The following SEMA5A variants were observed in gnomAD, a reference collection of about 807,000 sequenced individuals.
The protein encoded by SEMA5A is semaphorin 5A, also known as semaphorin-5A.
In SEMA5A, 55 loss-of-function variants were observed where a neutral mutation model predicts 135.5. The observed-to-expected ratio is 0.41, with a 90% CI of 0.33 to 0.51. SEMA5A has a LOEUF of 0.51. Among genes scored for constraint, SEMA5A ranks in the 20% least tolerant of loss-of-function variants. The pLI is 0.37. For synonymous variants in SEMA5A, 580 were observed against 546.5 expected (o/e 1.06, Z -0.85); for missense variants, 1,290 against 1,419.9 (o/e 0.91, Z 1.47).
chr5:9,399,329 C>A (rs1756544315), intron 2 of SEMA5A, among the ~76,000 whole-genome samples: 1 of 152,054 alleles, frequency 6.6e-6, no homozygotes, highest in African/African-American at 2.4e-5. Context: ...ATGCTATAAG[C>A]CTTGAAAACA....
At chr5:9,447,718 T>C (rs1439062965) in intron 1 of SEMA5A, among the ~76,000 whole-genome samples, 1 of 152,194 alleles carries the variant, frequency 6.6e-6, no homozygotes, top group African/African-American at 2.4e-5. Context: ...AGAAATAAGC[T>C]ACAACACAAC....
intron 1 of SEMA5A, among the ~76,000 whole-genome samples, chr5:9,481,723 G>A (rs186864435): frequency 1.6e-4 from 25 of 152,110 alleles, no homozygotes; most frequent in South Asian, 6.2e-4. Context: ...TACAGGTGGC[G>A]GCAAGCTGTG....
intron 16 of SEMA5A, 127 bp from the exon 17 acceptor site, chr5:9,066,773 C>T (rs1737497014): frequency 1.4e-6 from 1 of 714,804 alleles, no homozygotes; most frequent in African/African-American, 1.8e-5. Flanking sequence ...CACAGCTACT[C>T]TACCAAACTA....
At chr5:9,043,658 G>A (rs1303635372) in intron 22 of SEMA5A, among the ~76,000 whole-genome samples, 1 of 152,188 alleles carries the variant, frequency 6.6e-6, no homozygotes, top group Admixed American at 6.5e-5. Flanking sequence ...ATGGCCATCT[G>A]TCCAGGGTTA....
At chr5:9,189,232 C>T (rs188861932) in intron 11 of SEMA5A, among the ~76,000 whole-genome samples, 19 of 152,322 alleles carry the variant, frequency 1.2e-4, no homozygotes, top group Admixed American at 3.9e-4. Context: ...CTCACCGTCA[C>T]CTTCCTGGCA....
chr5:9,197,133 A>G (rs1181219111), intron 10 of SEMA5A, 35 bp downstream of exon 10: 1 of 1,613,172 alleles, frequency 6.2e-7, no homozygotes, highest in Non-Finnish European at 8.5e-7. Flanking sequence ...TTCATGGGGG[A>G]TGCCAACAGT....
intron 1 of SEMA5A, among the ~76,000 whole-genome samples, chr5:9,515,739 A>C (rs1188855151): frequency 6.6e-6 from 1 of 152,222 alleles, no homozygotes; most frequent in Non-Finnish European, 1.5e-5. Context: ...ACTGATAAGA[A>C]AAAGATGAAG....
At chr5:9,225,480 A>T (rs949563563) in intron 7 of SEMA5A, among the ~76,000 whole-genome samples, 1 of 150,714 alleles carries the variant, frequency 6.6e-6, no homozygotes, top group African/African-American at 2.4e-5. Context: ...GAGGCAGGAG[A>T]ATCGCTTGAA....
intron 5 of SEMA5A, among the ~76,000 whole-genome samples, chr5:9,299,931 A>AAC (rs1751529774): frequency 1.3e-5 from 2 of 152,184 alleles, no homozygotes; most frequent in Non-Finnish European, 2.9e-5. Flanking sequence ...TGAGAGCCAG[A>AAC]AGTTCCCAAT....
chr5:9,240,190 T>C (rs1241254856), intron 5 of SEMA5A, among the ~76,000 whole-genome samples: 2 of 152,038 alleles, frequency 1.3e-5, no homozygotes, highest in African/African-American at 2.4e-5. Flanking sequence ...TTTCTGAAGA[T>C]AGTGATTAGA....
chr5:9,354,356 A>G (rs1754351072), intron 3 of SEMA5A, among the ~76,000 whole-genome samples: 1 of 152,142 alleles, frequency 6.6e-6, no homozygotes, highest in Admixed American at 6.5e-5. Flanking sequence ...ATTCAATGTC[A>G]CAGTCTCATT....
intron 11 of SEMA5A, among the ~76,000 whole-genome samples, chr5:9,171,156 C>A (rs1420600961): frequency 6.6e-6 from 1 of 152,220 alleles, no homozygotes; most frequent in Non-Finnish European, 1.5e-5. Context: ...ATAATCTATT[C>A]AACTCACACA....
rs188647171 is a variant in SEMA5A, at chr5:9,121,005, C to A, written c.1781+1651G>T. Among the ~76,000 whole-genome samples, 49 of 152,066 alleles carry A rather than the reference C, an allele frequency of 3.2e-4. No individual in the cohort carries two copies. The South Asian group carries it at 4.4e-3, about 14-fold the overall frequency. On this transcript the variant is annotated intron_variant, in intron 14 of 22. Coordinates refer to ENST00000382496, the MANE Select transcript of SEMA5A (RefSeq NM_003966.3). ...GTTGGTCAGGCTGGTTTTGAACTCC[C>A]GACCTCAGGTGATCTGCCCACCTCA...
At chr5:9,491,619 T>G (rs1167731350) in intron 1 of SEMA5A, among the ~76,000 whole-genome samples, 3 of 152,198 alleles carry the variant, frequency 2.0e-5, no homozygotes, top group African/African-American at 4.8e-5. Flanking sequence ...GGTTTAGATT[T>G]CTATCATCAA....
intron 12 of SEMA5A, among the ~76,000 whole-genome samples, chr5:9,151,999 G>A (rs1742658211): frequency 1.3e-5 from 2 of 152,208 alleles, no homozygotes; most frequent in Admixed American, 1.3e-4. Flanking sequence ...GGCAGTTCAG[G>A]TGCATGAGAG....
chr5:9,079,487 T>C (rs1422896098), intron 16 of SEMA5A, among the ~76,000 whole-genome samples: 10 of 151,678 alleles, frequency 6.6e-5, no homozygotes, highest in Admixed American at 6.6e-4. Flanking sequence ...CATTCTAACA[T>C]CACAATTAAA....
chr5:9,343,484 T>A (rs549443543), intron 3 of SEMA5A, among the ~76,000 whole-genome samples: 1 of 152,256 alleles, frequency 6.6e-6, no homozygotes, highest in East Asian at 1.9e-4. Context: ...ACAGGGCATA[T>A]TCTCTGTGGA....
chr5:9,120,088 A>T (rs3822762), intron 14 of SEMA5A, among the ~76,000 whole-genome samples: 28,017 of 151,566 alleles, frequency 0.18, 2,995 homozygotes, highest in East Asian at 0.32. Context: ...GTTTTTTTTT[A>T]AAATTTTATG....
At chr5:9,454,225 G>A (rs1758749981) in intron 1 of SEMA5A, among the ~76,000 whole-genome samples, 1 of 152,188 alleles carries the variant, frequency 6.6e-6, no homozygotes, top group Non-Finnish European at 1.5e-5. Flanking sequence ...GGCTCTGGCT[G>A]TGACTCATGG....
Sources: allele counts gnomAD v4.1 joint callset (sites outside exome capture counted in the v4.1 genomes callset), GRCh38; gene constraint gnomAD v4.1.1; transcripts MANE v1.5; gene names NCBI Gene and HGNC (gene_info 2026-07-23, HGNC 2026-07-21).